Variants in CSMD3 observed in about 807,000 individuals in gnomAD.
CSMD3 encodes CUB and Sushi multiple domains 3.
In CSMD3, 177 loss-of-function variants were observed where a neutral mutation model predicts 435.2. The observed-to-expected ratio is 0.41, with a 90% confidence interval of 0.36 to 0.46. The LOEUF (loss-of-function observed/expected upper bound fraction) is 0.46. Among genes scored for constraint, CSMD3 ranks in the 20% least tolerant of loss-of-function variants. The probability of loss-of-function intolerance (pLI) is 0.34; values close to 1 mark genes in which losing one functional copy is unlikely to be tolerated. For missense variants in CSMD3, 4,265 were observed against 4,504.6 expected, an observed-to-expected ratio of 0.95 and a Z score of 1.52; for synonymous variants, 1,656 against 1,520.5, an observed-to-expected ratio of 1.09 and a Z score of -2.07.
intron 4 of CSMD3, among the ~76,000 whole-genome samples, chr8:113,146,208 T>C (rs2131754071): frequency 6.6e-6 from 1 of 151,702 alleles, no homozygotes; most frequent in Admixed American, 6.6e-5. Context: ...TTGTGTTTCC[T>C]CTTGTCAAAT....
intron 3 of CSMD3, among the ~76,000 whole-genome samples, chr8:113,250,538 C>T (rs1225748669): frequency 6.6e-6 from 1 of 152,022 alleles, no homozygotes; most frequent in Non-Finnish European, 1.5e-5. Context: ...AACAGATTTG[C>T]ATTTTCAAAA....
intron 1 of CSMD3, among the ~76,000 whole-genome samples, chr8:113,394,266 T>C (rs1183288759): frequency 6.6e-6 from 1 of 152,078 alleles, no homozygotes; most frequent in Non-Finnish European, 1.5e-5. Context: ...CAGTAATGTT[T>C]GGAATCTCTA....
chr8:112,592,736 G>T (rs1442322517), intron 22 of CSMD3, among the ~76,000 whole-genome samples: 1 of 151,890 alleles, frequency 6.6e-6, no homozygotes, highest in African/African-American at 2.4e-5. Context: ...GCTACTGAAG[G>T]TCTACTGTGC....
At chr8:112,346,623 T>C (rs906877071) in intron 40 of CSMD3, among the ~76,000 whole-genome samples, 2 of 151,308 alleles carry the variant, frequency 1.3e-5, no homozygotes, top group Non-Finnish European at 2.9e-5. Context: ...CAGCTCTAAG[T>C]ACTGTATTCA....
intron 5 of CSMD3, among the ~76,000 whole-genome samples, chr8:113,073,972 C>T (rs2089238641): frequency 6.6e-6 from 1 of 151,768 alleles, no homozygotes; most frequent in Admixed American, 6.6e-5. Flanking sequence ...GCGTACATGT[C>T]TCTCTGAATC....
At chr8:112,642,260 G>A (rs2074851464) in intron 20 of CSMD3, among the ~76,000 whole-genome samples, 1 of 152,026 alleles carries the variant, frequency 6.6e-6, no homozygotes, top group Admixed American at 6.6e-5. Context: ...ACTTCTAAAA[G>A]TCTAAGGGTT....
rs188578524 is a variant in CSMD3, at chr8:112,442,797, A to G, written c.5395+29794T>C. ...AAAGAAAAGGACTTTACTTTGTTTC[A>G]TTCATTTCACCTTTCCCACAAACAG... On this transcript the variant is annotated intron_variant, in intron 32 of 70. Coordinates refer to ENST00000297405, the MANE Select transcript of CSMD3 (RefSeq NM_198123.2). Among the ~76,000 whole-genome samples, 10 of 152,306 alleles carry G rather than the reference A, an allele frequency of 6.6e-5. No individual in the cohort carries two copies. The East Asian group carries it at 1.9e-3, about 29-fold the overall frequency.
chr8:112,996,324 T>C (rs956477845), intron 6 of CSMD3, among the ~76,000 whole-genome samples: 2 of 151,620 alleles, frequency 1.3e-5, no homozygotes, highest in Admixed American at 6.6e-5. Context: ...CTATTTTAGA[T>C]TCCAAATATA....
intron 41 of CSMD3, among the ~76,000 whole-genome samples, chr8:112,343,001 T>TTTATATA (rs72258524): frequency 4.6e-5 from 5 of 109,676 alleles, no homozygotes; most frequent in African/African-American, 1.8e-4. Context: ...ATATATATAT[T>TTTATATA]TATATATATA....
chr8:113,079,076 G>GA (rs1345170199), intron 5 of CSMD3, among the ~76,000 whole-genome samples: 6 of 152,100 alleles, frequency 3.9e-5, no homozygotes, highest in Non-Finnish European at 7.4e-5. Flanking sequence ...CCCTGACCCA[G>GA]AAAAAATATA....
chr8:112,225,444 T>C (rs1812477082), intron 70 of CSMD3, among the ~76,000 whole-genome samples: 1 of 151,960 alleles, frequency 6.6e-6, no homozygotes, highest in Non-Finnish European at 1.5e-5. Flanking sequence ...CCAAAAATAG[T>C]AGGTAATGAG....
chr8:112,948,245 G>A (rs2083683658), intron 8 of CSMD3, among the ~76,000 whole-genome samples: 1 of 151,838 alleles, frequency 6.6e-6, no homozygotes, highest in Non-Finnish European at 1.5e-5. Flanking sequence ...TCAACCACCA[G>A]TTATGATAGT....
At chr8:113,326,101 A>G (rs1483624101) in intron 1 of CSMD3, among the ~76,000 whole-genome samples, 1 of 152,212 alleles carries the variant, frequency 6.6e-6, no homozygotes, top group East Asian at 1.9e-4. Flanking sequence ...TAACTTAGCT[A>G]GTTTTTCATG....
chr8:112,613,716 C>T (rs1420491732), intron 22 of CSMD3, among the ~76,000 whole-genome samples: 1 of 152,074 alleles, frequency 6.6e-6, no homozygotes, highest in Non-Finnish European at 1.5e-5. Context: ...ACACTATGCT[C>T]TGTGCTAGAG....
At chr8:113,127,951 T>C (rs748671677) in intron 4 of CSMD3, among the ~76,000 whole-genome samples, 1 of 152,096 alleles carries the variant, frequency 6.6e-6, no homozygotes. Flanking sequence ...GCCTGTGACT[T>C]TTCCTCTACG....
intron 69 of CSMD3, among the ~76,000 whole-genome samples, chr8:112,229,643 G>C (rs1324779481): frequency 6.6e-6 from 1 of 152,036 alleles, no homozygotes; most frequent in Non-Finnish European, 1.5e-5. Flanking sequence ...TGCCCATGCT[G>C]GTCTTGAACT....
chr8:113,262,781 A>G lies in CSMD3; in HGVS notation c.514+15811T>C, dbSNP rs7831568. On this transcript the variant is annotated intron_variant, in intron 3 of 70. Coordinates refer to ENST00000297405, the MANE Select transcript of CSMD3 (RefSeq NM_198123.2). ...TGCAAGAAAATAAACTCTATCAGCA[A>G]TCAGTATGGTTGAAAGAGGACCCTG... 7.1e-3 allele frequency among the ~76,000 whole-genome samples: 1,082 copies of G among 152,138 alleles called. 10 individuals are homozygous for G. The highest frequency in any genetic ancestry group is 0.025 in the African/African-American group (1,039 of 41,538).
At chr8:112,778,171 C>A (rs1490789696) in intron 13 of CSMD3, among the ~76,000 whole-genome samples, 1 of 151,828 alleles carries the variant, frequency 6.6e-6, no homozygotes, top group Non-Finnish European at 1.5e-5. Flanking sequence ...ACATCCCACA[C>A]TACTATGGTA....
intron 1 of CSMD3, among the ~76,000 whole-genome samples, chr8:113,404,233 T>G: frequency 6.6e-6 from 1 of 151,490 alleles, no homozygotes; most frequent in Middle Eastern, 3.4e-3. Flanking sequence ...CTAATAAAAT[T>G]AATGAAATGC....
Sources: allele counts gnomAD v4.1 joint callset (sites outside exome capture counted in the v4.1 genomes callset), GRCh38; gene constraint gnomAD v4.1.1; transcripts MANE v1.5; gene names NCBI Gene and HGNC (gene_info 2026-07-23, HGNC 2026-07-21).